Variants in MPDZ observed in about 807,000 individuals in gnomAD.
MPDZ encodes multiple PDZ domain protein.
A neutral mutation model predicts 239.1 loss-of-function variants in MPDZ; 234 were observed. The observed-to-expected ratio is 0.98, with a 90% CI of 0.88 to 1.09. The LOEUF is 1.09. MPDZ is among the 50% of genes least tolerant of loss of function. The pLI, the probability that MPDZ is intolerant of heterozygous loss-of-function variation, is 0.00. For synonymous variants in MPDZ, 1,048 were observed against 881.3 expected (o/e 1.19, Z -3.35); for missense variants, 3,175 against 2,510.0 (o/e 1.26, Z -5.66).
rs577341673 is a variant in MPDZ at position 13,196,335 on chromosome 9, G to C, written c.1547-105C>G. The C allele has an allele frequency of 1.1e-5, 7 of 666,654 alleles. No individual in the cohort carries two copies. The African/African-American group carries it at 1.1e-4, about 10-fold the overall frequency. The allele number at this position is 666,654 out of a possible 1,614,324, so 41.3% of individuals were successfully genotyped here. A position where few individuals can be genotyped will look rare whatever the true frequency, so the allele number is the denominator to read the frequency against. Reference sequence around the variant, plus strand: ...GATCAGAACCCGCTGTATCACGTCAGACTCTTCGCCCAATATATGGGCTAT... The same window carrying C: ...GATCAGAACCCGCTGTATCACGTCACACTCTTCGCCCAATATATGGGCTAT... On this transcript the variant is annotated intron_variant, in intron 12 of 46. Transcript: ENST00000319217.
rs1355905678 is a variant in MPDZ, at chr9:13,279,551, CACAG to C, written c.-213_-210del. 2 of 149,294 alleles carry C rather than the reference CACAG, an allele frequency of 1.3e-5. No homozygotes were observed. Among genetic ancestry groups the C allele is most frequent in the Non-Finnish European group, 3.0e-5 (2 of 66,910 alleles). The allele number at this position is 149,294 out of a possible 1,614,324, so 9.2% of individuals were successfully genotyped here. A position where few individuals can be genotyped will look rare whatever the true frequency, so the allele number is the denominator to read the frequency against. The stretch of plus-strand genomic sequence containing the variant: ...CGGCGAGGAGCTTCGGATCAAAACG[CACAG>C]ACACTCACGCGTGACTGAGAAACTT... On this transcript the variant is annotated 5_prime_UTR_variant, in exon 1 of 47. Coordinates refer to ENST00000319217, the MANE Select transcript of MPDZ (RefSeq NM_001378778.1).
At chr9:13,166,679 G>A (rs755223591) in intron 22 of MPDZ, among the ~76,000 whole-genome samples, 18 of 151,970 alleles carry the variant, frequency 1.2e-4, no homozygotes, top group African/African-American at 4.3e-4. Flanking sequence ...AGATCCTAAA[G>A]CAAGTACTTA....
Position 13,193,315 on chromosome 9 carries a change from TG to T in MPDZ, c.1657-3del. On this transcript the variant is annotated splice_polypyrimidine_tract_variant and splice_region_variant and intron_variant, in intron 13 of 46. Coordinates refer to ENST00000319217, the MANE Select transcript of MPDZ (RefSeq NM_001378778.1). The stretch of plus-strand genomic sequence containing the variant: ...ACTAAACTTGCTCACATGGGCCACC[TG>T]AAAAGAAAAAAAAAAAGATCACCAC... The T allele has an allele frequency of 6.4e-7, 1 of 1,574,192 alleles. No homozygotes were observed. The highest frequency in any genetic ancestry group is 1.9e-5 in the Admixed American group (1 of 52,242).
At chr9:13,269,387 T>TC (rs1210709980) in intron 1 of MPDZ, among the ~76,000 whole-genome samples, 10 of 152,336 alleles carry the variant, frequency 6.6e-5, no homozygotes, top group African/African-American at 2.4e-4. Flanking sequence ...TGCTGTTGTT[T>TC]CCTTTTTCTC....
intron 23 of MPDZ, among the ~76,000 whole-genome samples, chr9:13,161,590 T>A (rs1193538327): frequency 6.6e-6 from 1 of 151,878 alleles, no homozygotes; most frequent in Non-Finnish European, 1.5e-5. Flanking sequence ...AAAAGAATTG[T>A]AGAACTCTCT....
chr9:13,270,163 CAA>C (rs1003493083), intron 1 of MPDZ, among the ~76,000 whole-genome samples: 3 of 152,178 alleles, frequency 2.0e-5, no homozygotes, highest in Non-Finnish European at 2.9e-5. Context: ...CTCTGGCACT[CAA>C]AAGACTAAAC....
intron 40 of MPDZ, among the ~76,000 whole-genome samples, chr9:13,114,737 T>C (rs1173880126): frequency 6.6e-6 from 1 of 151,812 alleles, no homozygotes; most frequent in African/African-American, 2.4e-5. Context: ...CCATCTCTAA[T>C]AAAAATACAA....
At chr9:13,159,514 T>A (rs933705829) in intron 23 of MPDZ, among the ~76,000 whole-genome samples, 8 of 151,950 alleles carry the variant, frequency 5.3e-5, no homozygotes, top group African/African-American at 1.9e-4. Flanking sequence ...GAGGTAAAAA[T>A]TAGCCCTGAC....
chr9:13,239,565 A>C (rs1367774338), intron 3 of MPDZ, among the ~76,000 whole-genome samples: 5 of 152,160 alleles, frequency 3.3e-5, no homozygotes, highest in Admixed American at 6.5e-5. Flanking sequence ...TCTCCAAAAT[A>C]ACTTCAGTTA....
At chr9:13,260,355 G>A (rs1183271423) in intron 1 of MPDZ, among the ~76,000 whole-genome samples, 3 of 152,092 alleles carry the variant, frequency 2.0e-5, no homozygotes, top group African/African-American at 7.2e-5. Flanking sequence ...ACTGTGACAT[G>A]GTAATATGGA....
intron 12 of MPDZ, among the ~76,000 whole-genome samples, chr9:13,196,438 G>A (rs1955659892): frequency 1.3e-5 from 2 of 152,080 alleles, no homozygotes; most frequent in South Asian, 4.1e-4. Flanking sequence ...ACTTTTAACA[G>A]ATGTATTTTA....
At chr9:13,213,505 G>A (rs930149480) in intron 10 of MPDZ, among the ~76,000 whole-genome samples, 4 of 152,126 alleles carry the variant, frequency 2.6e-5, no homozygotes, top group African/African-American at 7.2e-5. Flanking sequence ...GCAACTGGAT[G>A]TGAAGAACAT....
chr9:13,152,608 C>G (rs1587299661), intron 24 of MPDZ, among the ~76,000 whole-genome samples: 1 of 152,120 alleles, frequency 6.6e-6, no homozygotes, highest in East Asian at 1.9e-4. Flanking sequence ...ATTCCCCAGT[C>G]TCGGGGTACG....
At chr9:13,108,646 G>C (rs940951591) in intron 46 of MPDZ, among the ~76,000 whole-genome samples, 1 of 151,828 alleles carries the variant, frequency 6.6e-6, no homozygotes, top group East Asian at 1.9e-4. Context: ...TGTGCAATTT[G>C]TGTTCAAAGA....
chr9:13,156,033 C>T (rs989247394), intron 24 of MPDZ, among the ~76,000 whole-genome samples: 2 of 152,108 alleles, frequency 1.3e-5, no homozygotes, highest in Non-Finnish European at 2.9e-5. Flanking sequence ...AAGAAAATTT[C>T]ATGATTTCTG....
rs114306951 is a variant in MPDZ at position 13,150,715 on chromosome 9, C to T, written c.3453-27G>A. ...TAAAAAATAAATAAAATTTTCAACTCTTAGGAAAAATCATAAGGGTAAAGC... is the reference window on the plus strand; with the variant it reads ...TAAAAAATAAATAAAATTTTCAACTTTTAGGAAAAATCATAAGGGTAAAGC... On this transcript the variant is annotated intron_variant, in intron 24 of 46. Transcript: ENST00000319217. The T allele has an allele frequency of 5.1e-3, 6,645 of 1,295,568 alleles. 31 individuals carry two copies. Among genetic ancestry groups the T allele is most frequent in the African/African-American group, 0.025 (1,653 of 65,462 alleles). 80.3% of individuals were successfully genotyped at this position (1,295,568 alleles called of 1,614,324 possible).
chr9:13,124,950 A>G (rs1381075102), intron 35 of MPDZ, among the ~76,000 whole-genome samples: 2 of 152,166 alleles, frequency 1.3e-5, no homozygotes, highest in Non-Finnish European at 2.9e-5. Flanking sequence ...CCCTTGTTTT[A>G]GAGATGAAGA....
In MPDZ at chr9:13,157,990, G is replaced by A. The variant is rs191616371; in HGVS notation, c.3452+28C>T. 15 of 1,580,204 alleles carry A rather than the reference G, an allele frequency of 9.5e-6. No homozygotes were observed. In the East Asian group the frequency reaches 3.4e-4, roughly 36 times the overall value. ...TCTTTAAACACTATATATCCATTGG[G>A]TGGACAGAAGACAGAAATAGTCCTT... is the stretch of plus-strand genomic sequence containing the variant. On this transcript the variant is annotated intron_variant, in intron 24 of 46. Coordinates refer to ENST00000319217, the MANE Select transcript of MPDZ (RefSeq NM_001378778.1).
chr9:13,224,282 A>T, intron 4 of MPDZ, 92 bp downstream of exon 4: 1 of 1,198,962 alleles, frequency 8.3e-7, no homozygotes, highest in Non-Finnish European at 1.2e-6. Flanking sequence ...GATGTTATAA[A>T]TGTCACTATA....
Sources: allele counts gnomAD v4.1 joint callset (sites outside exome capture counted in the v4.1 genomes callset), GRCh38; gene constraint gnomAD v4.1.1; transcripts MANE v1.5; gene names NCBI Gene and HGNC (gene_info 2026-07-23, HGNC 2026-07-21).